LRBA: variants seen among roughly 807,000 people sequenced by gnomAD.
LRBA encodes the protein LPS responsive beige-like anchor protein.
LRBA carries 176 observed loss-of-function variants against 330.0 expected under a neutral mutation model. The observed-to-expected ratio is 0.53, with a 90% CI of 0.47 to 0.60. LRBA has a LOEUF of 0.60. Among genes scored for constraint, LRBA ranks in the 20% least tolerant of loss-of-function variants. The pLI is 0.00. For missense variants in LRBA, 3,259 were observed against 3,444.8 expected, an observed-to-expected ratio of 0.95 and a Z score of 1.35; for synonymous variants, 1,230 against 1,193.0, an observed-to-expected ratio of 1.03 and a Z score of -0.64.
chr4:150,497,102 T>C (rs937697550), intron 40 of LRBA, among the ~76,000 whole-genome samples: 2 of 152,176 alleles, frequency 1.3e-5, no homozygotes, highest in African/African-American at 4.8e-5. Context: ...GTTACAATAA[T>C]TGTAATTTGA....
chr4:150,373,184 A>AGG (rs1740727784), intron 47 of LRBA, among the ~76,000 whole-genome samples: 2 of 150,898 alleles, frequency 1.3e-5, no homozygotes, highest in African/African-American at 4.9e-5. Context: ...AGAGAGAGAG[A>AGG]GAGAGAGAGA....
chr4:150,944,245 A>G (rs923964556), intron 2 of LRBA, among the ~76,000 whole-genome samples: 2 of 152,244 alleles, frequency 1.3e-5, no homozygotes, highest in Non-Finnish European at 2.9e-5. Context: ...ATACATAACT[A>G]GTACAGTTAC....
At chr4:150,901,377 C>T (rs569482909) in intron 13 of LRBA, among the ~76,000 whole-genome samples, 6 of 152,156 alleles carry the variant, frequency 3.9e-5, no homozygotes, top group South Asian at 2.1e-4. Context: ...GCAAAAATAA[C>T]GACTGCTTTT....
intron 37 of LRBA, among the ~76,000 whole-genome samples, chr4:150,609,466 T>C (rs1020236335): frequency 3.9e-5 from 6 of 152,078 alleles, no homozygotes; most frequent in Non-Finnish European, 8.8e-5. Context: ...TACAGGAAAA[T>C]GGAGCCAGAA....
At chr4:150,917,968 T>A (rs1158470487) in intron 5 of LRBA, among the ~76,000 whole-genome samples, 2 of 152,116 alleles carry the variant, frequency 1.3e-5, no homozygotes, top group South Asian at 4.1e-4. Flanking sequence ...AGAAGACTCA[T>A]ACTACCATTT....
intron 40 of LRBA, among the ~76,000 whole-genome samples, chr4:150,510,111 G>T (rs1468697017): frequency 2.0e-5 from 3 of 152,152 alleles, no homozygotes; most frequent in Non-Finnish European, 2.9e-5. Flanking sequence ...CTGCCCTCCA[G>T]CCTGGGCGGC....
chr4:150,909,565 G>T (rs1731734967), intron 9 of LRBA, among the ~76,000 whole-genome samples: 1 of 151,982 alleles, frequency 6.6e-6, no homozygotes, highest in Admixed American at 6.6e-5. Flanking sequence ...CTATCTCTGG[G>T]TTATCGAGAA....
intron 50 of LRBA, among the ~76,000 whole-genome samples, chr4:150,318,274 T>C (rs926304975): frequency 1.1e-4 from 16 of 152,234 alleles, no homozygotes; most frequent in African/African-American, 3.6e-4. Flanking sequence ...TATAAACATT[T>C]GCTGGTGTTA....
chr4:150,385,246 G>A (rs957554020), intron 47 of LRBA, among the ~76,000 whole-genome samples: 10 of 152,082 alleles, frequency 6.6e-5, no homozygotes, highest in African/African-American at 2.4e-4. Flanking sequence ...GAGCAGGCCT[G>A]CATAAAAACG....
At chr4:150,373,201 G>A (rs953053959) in intron 47 of LRBA, among the ~76,000 whole-genome samples, 15 of 148,812 alleles carry the variant, frequency 1.0e-4, no homozygotes, top group African/African-American at 3.7e-4. Context: ...GAGAGAGAGA[G>A]ACTATGACCC....
At chr4:150,916,054 AATCTATCTGACT>A (rs1732549252) in intron 7 of LRBA, among the ~76,000 whole-genome samples, 1 of 152,166 alleles carries the variant, frequency 6.6e-6, no homozygotes, top group Admixed American at 6.5e-5. Context: ...ATATTTGCTT[AATCTATCTGACT>A]ACCTATCTAC....
rs144009945 is a variant in LRBA, at chr4:150,438,984, A to G, written c.6781-2120T>C. Among the ~76,000 whole-genome samples the G allele has an allele frequency of 9.2e-3, 1,405 of 152,274 alleles. 26 individuals are homozygous for G. The highest frequency in any genetic ancestry group is 0.032 in the African/African-American group (1,320 of 41,556). Reference sequence around the variant, plus strand: ...AAAGCATTAGTTTCTGTACAAAAGAATCATATCTGACTTACTAAATATGTG... The same window carrying G: ...AAAGCATTAGTTTCTGTACAAAAGAGTCATATCTGACTTACTAAATATGTG... On this transcript the variant is annotated intron_variant, in intron 44 of 56. Transcript: ENST00000651943.
At chr4:150,573,268 A>G (rs1275780400) in intron 40 of LRBA, among the ~76,000 whole-genome samples, 2 of 152,076 alleles carry the variant, frequency 1.3e-5, no homozygotes, top group African/African-American at 4.8e-5. Context: ...GGAACACACA[A>G]CTCCAGCACC....
In LRBA at chr4:150,583,053, G is replaced by C; in HGVS notation, c.6330+4995C>G. ...ACATGATCGCCGCTCAGGCCAAGCT[G>C]GTTTACCAGCTCAATAAGTACTACA... On this transcript the variant is annotated intron_variant, in intron 40 of 56. Coordinates refer to ENST00000651943, the MANE Select transcript of LRBA (RefSeq NM_001364905.1). This position sits in a 1 kb window ranked among gnomAD's most constrained non-coding sequence, Gnocchi z 9.8. The C allele has an allele frequency of 6.2e-7, 1 of 1,608,062 alleles. No homozygotes were observed. Among genetic ancestry groups the C allele is most frequent in the Non-Finnish European group, 8.5e-7 (1 of 1,176,362 alleles).
chr4:150,880,823 A>T (rs1295899850), intron 17 of LRBA, among the ~76,000 whole-genome samples: 2 of 152,350 alleles, frequency 1.3e-5, no homozygotes, highest in South Asian at 4.1e-4. Context: ...AGAATCTATA[A>T]GGAACTTAAA....
intron 2 of LRBA, among the ~76,000 whole-genome samples, chr4:150,947,609 T>C (rs1010373314): frequency 6.6e-6 from 1 of 152,098 alleles, no homozygotes; most frequent in Non-Finnish European, 1.5e-5. Flanking sequence ...TTTTCTCTCC[T>C]AAAGATCAGG....
At position 150,615,380 on chromosome 4, in the gene LRBA, T is replaced by C. The variant is rs1487393594; in HGVS notation, c.5922-16249A>G. ...GCTCCTGCAAGAGCCTGGCTGTGAGTGGAAAGAGTGTCCAGTTTATAGGCT... is the reference window on the plus strand; with the variant it reads ...GCTCCTGCAAGAGCCTGGCTGTGAGCGGAAAGAGTGTCCAGTTTATAGGCT... On this transcript the variant is annotated intron_variant, in intron 37 of 56. Coordinates refer to ENST00000651943, the MANE Select transcript of LRBA (RefSeq NM_001364905.1). Among the ~76,000 whole-genome samples the C allele has an allele frequency of 1.3e-5, 2 of 152,224 alleles. 1 individual carries two copies. The highest frequency in any genetic ancestry group is 1.3e-4 in the Admixed American group (2 of 15,292).
chr4:150,727,686 A>G (rs1729887938), intron 36 of LRBA, among the ~76,000 whole-genome samples: 1 of 152,196 alleles, frequency 6.6e-6, no homozygotes, highest in African/African-American at 2.4e-5. Context: ...AAAACACAAC[A>G]TACTAAAGCA....
intron 40 of LRBA, among the ~76,000 whole-genome samples, chr4:150,513,972 C>A (rs901496385): frequency 1.3e-5 from 2 of 152,138 alleles, no homozygotes; most frequent in African/African-American, 2.4e-5. Flanking sequence ...AGTCTTTGTC[C>A]CTAACCTTTG....
Sources: gnomAD v4.1 joint callset for allele counts (sites outside exome capture counted in the v4.1 genomes callset) on GRCh38, gnomAD v4.1.1 for gene constraint, Gnocchi (gnomAD v3.1) non-coding constraint, MANE v1.5 for transcripts, NCBI Gene and HGNC (gene_info 2026-07-23, HGNC 2026-07-21) for gene names.